Variants in DYNLRB1 observed in about 807,000 individuals in gnomAD.
DYNLRB1 encodes the protein dynein light chain roadblock-type 1.
DYNLRB1 carries 6 observed loss-of-function variants against 13.5 expected under a neutral mutation model. That is an observed-to-expected ratio of 0.44 (90% CI 0.24 to 0.88). The LOEUF is 0.88. DYNLRB1 is among the 40% of genes least tolerant of loss of function. The probability of loss-of-function intolerance (pLI) is 0.21; values close to 1 mark genes in which losing one functional copy is unlikely to be tolerated. For missense variants in DYNLRB1, 93 were observed against 127.2 expected (o/e 0.73, Z 1.29); for synonymous variants, 43 against 45.0 (o/e 0.96, Z 0.18).
At chr20:34,530,159 C>A (rs1041847861) in intron 2 of DYNLRB1, 15 of 1,203,070 alleles carry the variant, frequency 1.2e-5, no homozygotes, top group Non-Finnish European at 1.5e-5. Context: ...GAGAGGCCCT[C>A]ATTCTTGCCT....
intron 1 of DYNLRB1, chr20:34,516,796 C>G (rs1319016899): frequency 6.5e-7 from 1 of 1,550,108 alleles, no homozygotes; most frequent in African/African-American, 1.4e-5. Flanking sequence ...GGCAACGTTT[C>G]CCGGGAGCTC....
At chr20:34,538,942 GA>G (rs1407940896) in intron 3 of DYNLRB1, among the ~76,000 whole-genome samples, 1 of 152,210 alleles carries the variant, frequency 6.6e-6, no homozygotes. Context: ...TTAACTCTCT[GA>G]GGCTCCGTGT....
At chr20:34,528,331 A>AAC (rs1980413131) in intron 2 of DYNLRB1, among the ~76,000 whole-genome samples, 3 of 38,434 alleles carry the variant, frequency 7.8e-5, no homozygotes, top group Admixed American at 3.4e-4. Flanking sequence ...AAAAAAAAAA[A>AAC]AAAAAAAAAA....
chr20:34,537,234 G>T (rs1981219613), intron 3 of DYNLRB1, among the ~76,000 whole-genome samples: 1 of 152,152 alleles, frequency 6.6e-6, no homozygotes, highest in Admixed American at 6.5e-5. Context: ...CACACATGCG[G>T]CGCTGTGCTG....
At chr20:34,529,454 C>T (rs909134190) in intron 2 of DYNLRB1, among the ~76,000 whole-genome samples, 1 of 151,984 alleles carries the variant, frequency 6.6e-6, no homozygotes, top group Non-Finnish European at 1.5e-5. Flanking sequence ...TCCAGCCAGG[C>T]GTGGTGGCTC....
At chr20:34,540,351 G>GAGTGC (rs938185398) in intron 3 of DYNLRB1, among the ~76,000 whole-genome samples, 1 of 152,202 alleles carries the variant, frequency 6.6e-6, no homozygotes, top group Admixed American at 6.5e-5. Flanking sequence ...ACACACTGTA[G>GAGTGC]AGTGCCCGCT....
intron 3 of DYNLRB1, among the ~76,000 whole-genome samples, chr20:34,539,980 A>G (rs560949234): frequency 3.3e-5 from 5 of 152,104 alleles, no homozygotes; most frequent in African/African-American, 9.6e-5. Flanking sequence ...GCGGAGGGGA[A>G]AAAAAGAGAG....
At position 34,528,333 on chromosome 20, in the gene DYNLRB1, A is replaced by AAAAC. The variant is rs1980414691; in HGVS notation, c.79+1993_79+1994insCAAA. On this transcript the variant is annotated intron_variant, in intron 2 of 3. Coordinates refer to ENST00000357156, the MANE Select transcript of DYNLRB1 (RefSeq NM_014183.4). ...TCTCAAAAAAAAAAAAAAAAAAAAA[A>AAAAC]AAAAAAAAAAACTACCCTACTGGAG... is the stretch of plus-strand genomic sequence containing the variant. Among the ~76,000 whole-genome samples the AAAAC allele has an allele frequency of 5.2e-5, 2 of 38,530 alleles. 1 individual carries two copies. The highest frequency in any genetic ancestry group is 2.0e-4 in the African/African-American group (2 of 9,806). The allele number at this position is 38,530 out of a possible 152,430, so 25.3% of individuals were successfully genotyped here.
At chr20:34,518,893 T>C (rs1035360944) in intron 1 of DYNLRB1, among the ~76,000 whole-genome samples, 1 of 144,962 alleles carries the variant, frequency 6.9e-6, no homozygotes, top group African/African-American at 2.5e-5. Flanking sequence ...CTAGTTTAAC[T>C]TTTTTTTTTT....
At chr20:34,527,158 C>A (rs185000872) in intron 2 of DYNLRB1, among the ~76,000 whole-genome samples, 1 of 152,306 alleles carries the variant, frequency 6.6e-6, no homozygotes, top group Admixed American at 6.5e-5. Flanking sequence ...ATCACACAGT[C>A]GAGATTTAAA....
chr20:34,540,627 C>T lies in DYNLRB1; in HGVS notation c.*3C>T. 1 of 1,613,858 alleles carries T rather than the reference C, an allele frequency of 6.2e-7. No individual in the cohort carries two copies. The highest frequency in any genetic ancestry group is 8.5e-7 in the Non-Finnish European group (1 of 1,179,888). ...TGATTCAGAATCCAACCGAATAAGC[C>T]ACTCTCTTGGCTCCCTGTGTCATTC... On this transcript the variant is annotated 3_prime_UTR_variant, in exon 4 of 4. Coordinates refer to ENST00000357156, the MANE Select transcript of DYNLRB1 (RefSeq NM_014183.4).
At chr20:34,521,799 C>G (rs1329203456) in intron 1 of DYNLRB1, among the ~76,000 whole-genome samples, 1 of 152,176 alleles carries the variant, frequency 6.6e-6, no homozygotes, top group Non-Finnish European at 1.5e-5. Context: ...GTAGTCCCAA[C>G]AGTTTGGGAG....
chr20:34,526,712 G>C, intron 2 of DYNLRB1: 1 of 216,848 alleles, frequency 4.6e-6, no homozygotes, highest in Non-Finnish European at 9.3e-6. Flanking sequence ...CAGTTCCAGA[G>C]GACCATAATC....
intron 1 of DYNLRB1, among the ~76,000 whole-genome samples, chr20:34,520,282 G>A (rs925906911): frequency 1.3e-5 from 2 of 152,076 alleles, no homozygotes; most frequent in Admixed American, 1.3e-4. Flanking sequence ...GTTTTGGGGG[G>A]ATTTTTTTCT....
intron 2 of DYNLRB1, among the ~76,000 whole-genome samples, chr20:34,533,931 G>A (rs1171621227): frequency 1.3e-5 from 2 of 152,240 alleles, no homozygotes; most frequent in Non-Finnish European, 2.9e-5. Flanking sequence ...GAGGTCAGGA[G>A]TTCAAGACCA....
At chr20:34,533,996 C>G (rs1980918500) in intron 2 of DYNLRB1, among the ~76,000 whole-genome samples, 1 of 151,812 alleles carries the variant, frequency 6.6e-6, no homozygotes, top group Non-Finnish European at 1.5e-5. Context: ...AATTAGCTAG[C>G]TGGGTGCTGT....
intron 1 of DYNLRB1, among the ~76,000 whole-genome samples, chr20:34,518,121 T>A (rs1390117117): frequency 6.6e-6 from 1 of 152,074 alleles, no homozygotes; most frequent in Non-Finnish European, 1.5e-5. Context: ...TCGTTTTTGT[T>A]GTTGTTTTTG....
At chr20:34,536,080 AG>A (rs1270926853) in intron 3 of DYNLRB1, 1 of 985,280 alleles carries the variant, frequency 1.0e-6, no homozygotes, top group Admixed American at 6.1e-5. Context: ...GACACTCCCT[AG>A]AGGGGTGGGG....
intron 1 of DYNLRB1, among the ~76,000 whole-genome samples, chr20:34,524,100 TA>T (rs1219564567): frequency 6.6e-6 from 1 of 152,188 alleles, no homozygotes; most frequent in East Asian, 1.9e-4. Flanking sequence ...TTTGGATGCA[TA>T]GATGGGGGGT....
Sources: gnomAD v4.1 joint callset for allele counts (sites outside exome capture counted in the v4.1 genomes callset) on GRCh38, gnomAD v4.1.1 for gene constraint, MANE v1.5 for transcripts, NCBI Gene and HGNC (gene_info 2026-07-23, HGNC 2026-07-21) for gene names.